The following MAPRE2 variants were observed in gnomAD, a reference collection of about 807,000 sequenced individuals.
MAPRE2 encodes the protein microtubule-associated protein RP/EB family member 2.
MAPRE2 carries 13 observed loss-of-function variants against 43.2 expected under a neutral mutation model. The ratio of observed to expected loss-of-function variants is 0.30; its 90% confidence interval spans 0.20 to 0.48. MAPRE2 has a LOEUF of 0.48. Among genes scored for constraint, MAPRE2 ranks in the 20% least tolerant of loss-of-function variants. The pLI, the probability that MAPRE2 is intolerant of heterozygous loss-of-function variation, is 0.99. For missense variants in MAPRE2, 161 were observed against 400.2 expected (o/e 0.40, Z 5.10); for synonymous variants, 135 against 148.8 (o/e 0.91, Z 0.68).
At chr18:34,984,606 C>T (rs2097018063) in intron 1 of MAPRE2, 1 of 151,224 alleles carries the variant, frequency 6.6e-6, no homozygotes, top group Non-Finnish European at 1.5e-5. Context: ...ACCCCTAGTG[C>T]TTCTGATGGG....
chr18:35,120,460 A>T (rs1168969534), intron 4 of MAPRE2, among the ~76,000 whole-genome samples: 1 of 152,224 alleles, frequency 6.6e-6, no homozygotes, highest in East Asian at 1.9e-4. Flanking sequence ...TTTCATTTGG[A>T]TGGAAATCTG....
intron 6 of MAPRE2, among the ~76,000 whole-genome samples, chr18:35,135,161 A>C (rs191351409): frequency 6.6e-6 from 1 of 152,382 alleles, no homozygotes; most frequent in African/African-American, 2.4e-5. Flanking sequence ...CAAAAGAGAC[A>C]CATCAGGCTA....
intron 2 of MAPRE2, among the ~76,000 whole-genome samples, chr18:35,006,435 C>T (rs1265446093): frequency 6.6e-6 from 1 of 152,142 alleles, no homozygotes; most frequent in African/African-American, 2.4e-5. Context: ...AATAGTAATT[C>T]TCTAAACAGT....
At chr18:35,107,933 T>C (rs770838826) in intron 4 of MAPRE2, among the ~76,000 whole-genome samples, 2 of 152,106 alleles carry the variant, frequency 1.3e-5, no homozygotes, top group Non-Finnish European at 2.9e-5. Flanking sequence ...ATTTTAGTGC[T>C]CTATTACTAG....
intron 1 of MAPRE2, among the ~76,000 whole-genome samples, chr18:35,047,205 T>G (rs1905675241): frequency 6.6e-6 from 1 of 152,230 alleles, no homozygotes; most frequent in South Asian, 2.1e-4. Flanking sequence ...ATTGATTTTC[T>G]TCTCTCCTGT....
chr18:35,010,916 G>A (rs2097034237), intron 2 of MAPRE2, among the ~76,000 whole-genome samples: 2 of 152,116 alleles, frequency 1.3e-5, no homozygotes, highest in African/African-American at 4.8e-5. Context: ...TAGCTGGTGG[G>A]TATGAATGTC....
intron 4 of MAPRE2, among the ~76,000 whole-genome samples, chr18:35,126,731 A>C (rs1007229046): frequency 1.3e-5 from 2 of 152,082 alleles, no homozygotes; most frequent in African/African-American, 2.4e-5. Flanking sequence ...GAAAAAAAAA[A>C]CAGCACTCAC....
At chr18:35,111,703 TC>T (rs1168528477) in intron 4 of MAPRE2, among the ~76,000 whole-genome samples, 1 of 152,242 alleles carries the variant, frequency 6.6e-6, no homozygotes, top group Non-Finnish European at 1.5e-5. Flanking sequence ...GACTTCGTTT[TC>T]CTTATTATTG....
intron 2 of MAPRE2, among the ~76,000 whole-genome samples, chr18:35,021,859 T>A (rs766211285): frequency 8.5e-5 from 13 of 152,148 alleles, no homozygotes; most frequent in Non-Finnish European, 1.5e-4. Context: ...GGCTACTGAA[T>A]GTTGACCACG....
intron 2 of MAPRE2, among the ~76,000 whole-genome samples, chr18:35,010,422 C>T (rs1316255769): frequency 1.3e-5 from 2 of 152,184 alleles, no homozygotes; most frequent in East Asian, 1.9e-4. Flanking sequence ...GCTCCACTCT[C>T]ATCTTCAAAG....
upstream of MAPRE2, among the ~76,000 whole-genome samples, chr18:35,040,072 G>A (rs1162162726): frequency 2.6e-5 from 4 of 152,186 alleles, no homozygotes; most frequent in Admixed American, 1.3e-4. Flanking sequence ...GTGTGGCGGC[G>A]TGCGCCTGTT....
intron 2 of MAPRE2, among the ~76,000 whole-genome samples, chr18:35,083,511 G>A (rs1907737155): frequency 2.0e-5 from 3 of 152,098 alleles, no homozygotes; most frequent in African/African-American, 4.8e-5. Flanking sequence ...GTGAGACATC[G>A]CACTGCCAGT....
At chr18:35,101,471 T>A (rs1289649493) in intron 3 of MAPRE2, among the ~76,000 whole-genome samples, 1 of 152,216 alleles carries the variant, frequency 6.6e-6, no homozygotes. Flanking sequence ...AATCACCCTG[T>A]TGTGCTATCA....
At chr18:35,057,718 A>G (rs978930305) in intron 1 of MAPRE2, among the ~76,000 whole-genome samples, 13 of 152,192 alleles carry the variant, frequency 8.5e-5, no homozygotes, top group African/African-American at 3.1e-4. Context: ...GGGAAGGGAA[A>G]AGAAGGATGA....
At chr18:35,096,575 G>A (rs1052935100) in intron 2 of MAPRE2, among the ~76,000 whole-genome samples, 4 of 145,576 alleles carry the variant, frequency 2.7e-5, no homozygotes, top group Non-Finnish European at 1.5e-5. Context: ...ATGTTTCTTA[G>A]TCATAAAGAA....
chr18:35,066,297 C>G (rs1388714990), intron 1 of MAPRE2, among the ~76,000 whole-genome samples: 1 of 152,198 alleles, frequency 6.6e-6, no homozygotes, highest in East Asian at 1.9e-4. Context: ...ATGATTCCTG[C>G]CCTGCTTTCC....
intron 1 of MAPRE2, among the ~76,000 whole-genome samples, chr18:34,985,204 A>T (rs1298522565): frequency 4.3e-5 from 3 of 70,498 alleles, no homozygotes; most frequent in Non-Finnish European, 7.2e-5. Flanking sequence ...TAAAATATAT[A>T]TAATAAAAAT....
At chr18:35,087,518 C>T (rs1210836015) in intron 2 of MAPRE2, among the ~76,000 whole-genome samples, 1 of 152,116 alleles carries the variant, frequency 6.6e-6, no homozygotes, top group Non-Finnish European at 1.5e-5. Flanking sequence ...ATTTATACCT[C>T]GTCAATTCTT....
intron 3 of MAPRE2, among the ~76,000 whole-genome samples, chr18:35,099,821 G>C (rs771075754): frequency 6.6e-5 from 10 of 152,078 alleles, no homozygotes; most frequent in Non-Finnish European, 1.2e-4. Context: ...ACTTGGTTTA[G>C]TTTCTATTTT....
Sources: allele counts gnomAD v4.1 joint callset (sites outside exome capture counted in the v4.1 genomes callset), GRCh38; gene constraint gnomAD v4.1.1; transcripts MANE v1.5; gene names NCBI Gene and HGNC (gene_info 2026-07-23, HGNC 2026-07-21).